Variants in MMP9 observed in about 807,000 individuals in gnomAD.
MMP9 encodes matrix metallopeptidase 9, also known as matrix metalloproteinase-9.
Under a neutral mutation model 76.4 loss-of-function variants are expected in MMP9, and 73 were observed. The ratio of observed to expected loss-of-function variants is 0.96; its 90% CI spans 0.79 to 1.16. MMP9 has a LOEUF of 1.16. Among genes scored for constraint, MMP9 ranks in the 50% most tolerant of loss-of-function variants. The pLI is 0.00. For missense variants in MMP9, 943 were observed against 973.0 expected (o/e 0.97, Z 0.41); for synonymous variants, 412 against 408.4 (o/e 1.01, Z -0.11).
chr20:46,016,120 G>A (rs2084320061), intron 12 of MMP9, 130 bp from the exon 13 acceptor site: 1 of 891,664 alleles, frequency 1.1e-6, no homozygotes, highest in East Asian at 2.4e-5. Context: ...TTGGGGGGAT[G>A]GAGGTGATAT....
intron 5 of MMP9, 29 bp from the exon 6 acceptor site, chr20:46,011,545 C>G: frequency 1.2e-6 from 2 of 1,613,756 alleles, no homozygotes; most frequent in Non-Finnish European, 1.7e-6. Context: ...TCCGCCTTCT[C>G]CCCCTTTCCC....
chr20:46,009,374 TG>T (rs1393740850), intron 1 of MMP9, among the ~76,000 whole-genome samples: 1 of 151,540 alleles, frequency 6.6e-6, no homozygotes. Context: ...TATGCAGCTG[TG>T]GGGTAGAAAT....
In MMP9 at chr20:46,013,284, C is replaced by T; in HGVS notation, c.1360C>T (p.Pro454Ser). ...GPRPEPEPRP[P>S]TTTTPQPTAP... ...TCGCCCTGAACCTGAGCCACGGCCT[C>T]CAACCACCACCACACCGCAGCCCAC... The change falls in exon 9 of 13, where the codon CCA (proline) becomes TCA (serine). Residue 454 changes from proline (P) to serine (S), a missense_variant. Transcript: ENST00000372330. This position sits in a 1 kb window ranked among gnomAD's most constrained non-coding sequence, Gnocchi z 4.5. 1 of 1,614,074 alleles carries T rather than the reference C, an allele frequency of 6.2e-7. No homozygotes were observed. Among genetic ancestry groups the T allele is most frequent in the Non-Finnish European group, 8.5e-7 (1 of 1,179,998 alleles).
chr20:46,010,343 A>AAAAAAAAAAAAAAGT, intron 2 of MMP9, 140 bp from the exon 3 acceptor site: 1 of 926,566 alleles, frequency 1.1e-6, no homozygotes, highest in Non-Finnish European at 1.6e-6. Flanking sequence ...AAAAAAAAAC[A>AAAAAAAAAAAAAAGT]GTCTGGAAGC....
chr20:46,014,819 C>T (rs1408232354), intron 12 of MMP9: 1 of 316,762 alleles, frequency 3.2e-6, no homozygotes, highest in Non-Finnish European at 6.0e-6. Flanking sequence ...ATTCACAGCT[C>T]TGTGACTTTG....
At chr20:46,011,118 A>C in intron 4 of MMP9, 25 bp from the exon 5 acceptor site, 2 of 1,613,750 alleles carry the variant, frequency 1.2e-6, no homozygotes, top group Non-Finnish European at 1.7e-6. Flanking sequence ...CGCCGCCCTA[A>C]CTCCGGTCCC....
Position 46,013,618 on chromosome 20 carries a change from A to T in MMP9, c.1611-39A>T, listed in dbSNP as rs756255359. The T allele has an allele frequency of 6.2e-7, 1 of 1,613,682 alleles. No individual in the cohort carries two copies. Among genetic ancestry groups the T allele is most frequent in the Middle Eastern group, 1.6e-4 (1 of 6,062 alleles). On this transcript the variant is annotated intron_variant, in intron 9 of 12. Transcript: ENST00000372330. The surrounding 1 kb of genome is among the most constrained non-coding windows in gnomAD (Gnocchi z 4.5). ...CTTCCCGCCCACTGGCCCTGTGTCC[A>T]AGGCTTAGAGCCCGTCCTTTCCCTC...
At chr20:46,012,033 G>A in intron 6 of MMP9, 104 bp from the exon 7 acceptor site, 4 of 1,459,654 alleles carry the variant, frequency 2.7e-6, no homozygotes, top group Non-Finnish European at 3.7e-6. Flanking sequence ...GTGCTCTACA[G>A]CGCCCCCTAG....
intron 12 of MMP9, among the ~76,000 whole-genome samples, chr20:46,015,896 T>C (rs1404930673): frequency 1.3e-5 from 2 of 152,258 alleles, no homozygotes; most frequent in Non-Finnish European, 2.9e-5. Flanking sequence ...AAGCACATAG[T>C]AGATGCTCAG....
Position 46,013,368 on chromosome 20 carries a change from ACAGCTGGCCCCACAGGTCCCCCCT to A in MMP9, c.1468_1491del (p.Ser490_Pro497del), listed in dbSNP as rs761086664. 589 of 1,575,156 alleles carry A rather than the reference ACAGCTGGCCCCACAGGTCCCCCCT, an allele frequency of 3.7e-4. No homozygotes were observed. The highest frequency in any genetic ancestry group is 5.0e-4 in the Middle Eastern group (3 of 6,006). On this transcript the variant is annotated inframe_deletion, in exon 9 of 13. Coordinates refer to ENST00000372330, the MANE Select transcript of MMP9 (RefSeq NM_004994.3). The surrounding 1 kb of genome is among the most constrained non-coding windows in gnomAD (Gnocchi z 4.5). The stretch of plus-strand genomic sequence containing the variant: ...CACTGTCCACCCCTCAGAGCGCCCC[ACAGCTGGCCCCACAGGTCCCCCCT>A]CAGCTGGCCCCACAGGTCCCCCCAC...
In MMP9 at chr20:46,010,630, G is replaced by C. The variant is rs183834856; in HGVS notation, c.519G>C (p.Ala173=). 3 of 1,612,800 alleles carry C rather than the reference G, an allele frequency of 1.9e-6. No individual in the cohort carries two copies. Among genetic ancestry groups the C allele is most frequent in the Non-Finnish European group, 2.5e-6 (3 of 1,179,314 alleles). Residue 173 remains alanine, a splice_region_variant and synonymous_variant, in exon 3 of 13, where the codon GCG becomes GCC. Coordinates refer to ENST00000372330, the MANE Select transcript of MMP9 (RefSeq NM_004994.3). Reference sequence around the variant, plus strand: ...ACATCGTCATCCAGTTTGGTGTCGCGGGTGAGAACGTGAGGAGGGAAAATC... The same window carrying C: ...ACATCGTCATCCAGTTTGGTGTCGCCGGTGAGAACGTGAGGAGGGAAAATC... ...DADIVIQFGV[A]EHGDGYPFDG...
chr20:46,010,425 T>C, intron 2 of MMP9, 58 bp from the exon 3 acceptor site: 1 of 1,602,024 alleles, frequency 6.2e-7, no homozygotes, highest in South Asian at 1.1e-5. Context: ...GGGGTGTCCC[T>C]GCTGCCCCGC....
intron 12 of MMP9, among the ~76,000 whole-genome samples, chr20:46,015,131 A>G (rs3918262): frequency 0.18 from 26,902 of 152,102 alleles, 2,727 homozygotes; most frequent in East Asian, 0.39. Flanking sequence ...ATGAATTCCA[A>G]GGTCAAAGAA....
Position 46,011,575 on chromosome 20 carries a change from A to G in MMP9, c.825A>G (p.Arg275=). ...DDRFGFCPSE[R]LYTQDGNADG... is the part of the protein sequence containing the mutation. ...TTTCCCACATCCTCCTCGCCCCAGG[A>G]CTCTACACCCAGGACGGCAATGCTG... is the stretch of plus-strand genomic sequence containing the variant. The change falls in exon 6 of 13, where the codon AGA becomes AGG. Residue 275 remains arginine, a splice_region_variant and synonymous_variant. Transcript: ENST00000372330. 6.2e-7 allele frequency: 1 copy of G among 1,612,492 alleles called. No individual in the cohort carries two copies. The highest frequency in any genetic ancestry group is 8.5e-7 in the Non-Finnish European group (1 of 1,179,614).
intron 6 of MMP9, 50 bp downstream of exon 6, chr20:46,011,797 T>G (rs1273291066): frequency 1.3e-6 from 2 of 1,570,892 alleles, no homozygotes; most frequent in Admixed American, 3.7e-5. Flanking sequence ...CATCATGTAT[T>G]GGCCCCCAAA....
Position 46,014,130 on chromosome 20 carries a change from A to C in MMP9, c.1757A>C (p.Gln586Pro). 6.5e-7 allele frequency: 1 copy of C among 1,535,484 alleles called. No homozygotes were observed. The highest frequency in any genetic ancestry group is 8.7e-7 in the Non-Finnish European group (1 of 1,146,604). The change falls in exon 11 of 13, where the codon CAG becomes CCG. Residue 586 changes from glutamine to proline, a missense_variant. Gln to Pro is a moderately conservative substitution (Grantham distance 76, BLOSUM62 -1). Transcript: ENST00000372330. ...SKKLFFFSGR[Q>P]VWVYTGASVL... Reference sequence around the variant, plus strand: ...TGACCCTCCTCCCCTGCAGGGCGCCAGGTGTGGGTGTACACAGGCGCGTCG... The same window carrying C: ...TGACCCTCCTCCCCTGCAGGGCGCCCGGTGTGGGTGTACACAGGCGCGTCG...
rs1004812364 is a variant in MMP9 at position 46,011,574 on chromosome 20, G to A, written c.824G>A (p.Arg275Lys). The A allele has an allele frequency of 6.2e-6, 10 of 1,613,418 alleles. No homozygotes were observed. Among genetic ancestry groups the A allele is most frequent in the Non-Finnish European group, 8.5e-6 (10 of 1,179,870 alleles). Reference sequence around the variant, plus strand: ...CTTTCCCACATCCTCCTCGCCCCAGGACTCTACACCCAGGACGGCAATGCT... The same window carrying A: ...CTTTCCCACATCCTCCTCGCCCCAGAACTCTACACCCAGGACGGCAATGCT... ...DDRFGFCPSE[R>K]LYTQDGNADG... The change falls in exon 6 of 13, where the codon AGA (arginine) becomes AAA (lysine). Residue 275 changes from arginine (R) to lysine (K), a missense_variant and splice_region_variant. Arg to Lys is a conservative substitution (Grantham distance 26). Transcript: ENST00000372330.
intron 2 of MMP9, among the ~76,000 whole-genome samples, 153 bp from the exon 3 acceptor site, chr20:46,010,330 A>C (rs13040572): frequency 9.8e-6 from 1 of 101,928 alleles, no homozygotes; most frequent in East Asian, 2.9e-4. Context: ...ACAAAAAAAA[A>C]AAAAAAAAAA....
Position 46,011,678 on chromosome 20 carries a change from G to T in MMP9, c.928G>T (p.Gly310Cys). The change falls in exon 6 of 13, where the codon GGC becomes TGC. Residue 310 changes from glycine to cysteine, a missense_variant. Physicochemically the swap from Gly to Cys is radical, Grantham distance 159 (BLOSUM62 -3). Transcript: ENST00000372330. Reference protein sequence around the residue: ...SACTTDGRSDGYRWCATTANY... With the variant: ...SACTTDGRSDCYRWCATTANY... Reference sequence around the variant, plus strand: ...CTGCACCACGGACGGTCGCTCCGACGGCTACCGCTGGTGCGCCACCACCGC... The same window carrying T: ...CTGCACCACGGACGGTCGCTCCGACTGCTACCGCTGGTGCGCCACCACCGC... 1 of 1,613,998 alleles carries T rather than the reference G, an allele frequency of 6.2e-7. No homozygotes were observed. The highest frequency in any genetic ancestry group is 1.1e-5 in the South Asian group (1 of 91,080).
Sources: gnomAD v4.1 joint callset for allele counts (sites outside exome capture counted in the v4.1 genomes callset) on GRCh38, gnomAD v4.1.1 for gene constraint, Gnocchi (gnomAD v3.1) non-coding constraint, MANE v1.5 for transcripts, NCBI Gene and HGNC (gene_info 2026-07-23, HGNC 2026-07-21) for gene names.